RHEX: variants seen among roughly 807,000 people sequenced by gnomAD.
RHEX encodes the protein regulator of hemoglobinization and erythroid cell expansion protein.
RHEX carries 18 observed loss-of-function variants against 20.1 expected under a neutral mutation model. That is an observed-to-expected ratio of 0.90 (90% CI 0.62 to 1.33). RHEX has a LOEUF of 1.33. Among genes scored for constraint, RHEX ranks in the 40% most tolerant of loss-of-function variants. RHEX has a pLI of 0.00. For synonymous variants in RHEX, 87 were observed against 77.1 expected, an observed-to-expected ratio of 1.13 and a Z score of -0.67; for missense variants, 192 against 214.3, an observed-to-expected ratio of 0.90 and a Z score of 0.65.
chr1:206,077,396 G>T (rs1662654281), intron 1 of RHEX, among the ~76,000 whole-genome samples: 1 of 152,190 alleles, frequency 6.6e-6, no homozygotes. Flanking sequence ...TGGTGAAATA[G>T]CTGAAATGGT....
intron 1 of RHEX, among the ~76,000 whole-genome samples, chr1:206,076,095 G>A (rs1662631556): frequency 6.6e-6 from 1 of 152,028 alleles, no homozygotes; most frequent in African/African-American, 2.4e-5. Flanking sequence ...GTTGTTTTCT[G>A]TAAGTGAATT....
Position 206,053,543 on chromosome 1 carries a change from C to T in RHEX, c.-97+278C>T, listed in dbSNP as rs116714970. 7.6e-3 allele frequency among the ~76,000 whole-genome samples: 1,156 copies of T among 151,962 alleles called. 16 individuals carry two copies. The highest frequency in any genetic ancestry group is 0.068 in the Middle Eastern group (20 of 292). The stretch of plus-strand genomic sequence containing the variant: ...GTGGTGTGGGTGTGGTGTTTTGTCT[C>T]GAAGAAGCATGGGTCAGGTACAAAT... On this transcript the variant is annotated intron_variant, in intron 1 of 5. Transcript: ENST00000331555.
intron 1 of RHEX, chr1:206,083,506 T>A: frequency 2.0e-6 from 2 of 985,426 alleles, no homozygotes; most frequent in Non-Finnish European, 2.4e-6. Flanking sequence ...TGCTCCCGCC[T>A]TGTTGGAAAT....
intron 1 of RHEX, among the ~76,000 whole-genome samples, chr1:206,094,783 G>A (rs1007717060): frequency 4.6e-5 from 7 of 152,074 alleles, no homozygotes; most frequent in South Asian, 2.1e-4. Context: ...TCCCGGCCTC[G>A]GTGATCCTTC....
intron 1 of RHEX, among the ~76,000 whole-genome samples, chr1:206,059,055 C>T (rs956448165): frequency 1.4e-4 from 21 of 152,134 alleles, no homozygotes; most frequent in Non-Finnish European, 2.4e-4. Context: ...CCTGCCGTAA[C>T]AGGTGTGCTC....
chr1:206,101,274 G>A (rs1180891099), intron 5 of RHEX, 77 bp downstream of exon 5: 5 of 1,174,082 alleles, frequency 4.3e-6, no homozygotes, highest in Non-Finnish European at 6.2e-6. Context: ...GAAAACTCAA[G>A]TTACCCCAGC....
intron 1 of RHEX, among the ~76,000 whole-genome samples, chr1:206,060,227 A>G (rs1442875973): frequency 6.6e-6 from 1 of 151,952 alleles, no homozygotes; most frequent in African/African-American, 2.4e-5. Flanking sequence ...TTCCTATCTC[A>G]GGTCTATATA....
Position 206,098,096 on chromosome 1 carries a change from G to A in RHEX, c.27G>A (p.Trp9Ter), listed in dbSNP as rs782293044. 6.2e-7 allele frequency: 1 copy of A among 1,613,694 alleles called. No individual in the cohort carries two copies. Among genetic ancestry groups the A allele is most frequent in the Non-Finnish European group, 8.5e-7 (1 of 1,179,648 alleles). ...TTCCCAACAGAGTCATGGAGGTCTG[G>A]CATGGCTTAGTGATCGCGGTGGTGT... is the stretch of plus-strand genomic sequence containing the variant. MLTEVMEVWHGLVIAVVSL... is the reference protein window; with the variant it reads MLTEVMEV The change falls in exon 3 of 6, where the codon TGG (tryptophan) becomes TGA (stop). Residue 9 changes from tryptophan (W) to a stop codon, truncating the protein, a stop_gained. Coordinates refer to ENST00000331555, the MANE Select transcript of RHEX (RefSeq NM_001007544.4). LOFTEE classifies it high-confidence loss of function.
intron 1 of RHEX, among the ~76,000 whole-genome samples, chr1:206,088,128 CTAAT>C (rs1454478583): frequency 6.6e-6 from 1 of 151,648 alleles, no homozygotes; most frequent in Admixed American, 6.6e-5. Context: ...TTTTTATTAA[CTAAT>C]TAAACAATAA....
At chr1:206,059,954 C>T (rs1296342424) in intron 1 of RHEX, among the ~76,000 whole-genome samples, 2 of 152,174 alleles carry the variant, frequency 1.3e-5, no homozygotes, top group Non-Finnish European at 2.9e-5. Flanking sequence ...CATGCCCTCC[C>T]CCAGGTACCT....
At chr1:206,098,780 T>A (rs1242047465) in intron 3 of RHEX, among the ~76,000 whole-genome samples, 1 of 152,190 alleles carries the variant, frequency 6.6e-6, no homozygotes, top group African/African-American at 2.4e-5. Flanking sequence ...AGCAGATATT[T>A]CTTGAGCATC....
chr1:206,064,717 C>T (rs1224978443), intron 1 of RHEX, among the ~76,000 whole-genome samples: 1 of 151,578 alleles, frequency 6.6e-6, no homozygotes, highest in Non-Finnish European at 1.5e-5. Context: ...CTCTGCCCGG[C>T]CGCCCCTGCT....
intron 1 of RHEX, among the ~76,000 whole-genome samples, chr1:206,084,557 A>G (rs573438407): frequency 1.3e-5 from 2 of 152,192 alleles, no homozygotes; most frequent in East Asian, 3.9e-4. Flanking sequence ...CATCTCTCCA[A>G]CCTGGGAGGG....
intron 3 of RHEX, 152 bp from the exon 4 acceptor site, chr1:206,099,503 G>A: frequency 1.6e-6 from 1 of 636,550 alleles, no homozygotes; most frequent in Non-Finnish European, 2.7e-6. Flanking sequence ...ATTTTTAGTA[G>A]AGATGGGGTT....
At chr1:206,077,398 T>C (rs1553285392) in intron 1 of RHEX, among the ~76,000 whole-genome samples, 2 of 152,330 alleles carry the variant, frequency 1.3e-5, no homozygotes, top group African/African-American at 4.8e-5. Flanking sequence ...GTGAAATAGC[T>C]GAAATGGTTC....
intron 3 of RHEX, among the ~76,000 whole-genome samples, chr1:206,098,695 C>T (rs1414983393): frequency 2.6e-5 from 4 of 152,226 alleles, no homozygotes; most frequent in Non-Finnish European, 2.9e-5. Flanking sequence ...AGAGAAAGGA[C>T]GGGGCAAGAT....
intron 1 of RHEX, among the ~76,000 whole-genome samples, chr1:206,066,054 T>C (rs1316268872): frequency 6.6e-6 from 1 of 152,200 alleles, no homozygotes; most frequent in East Asian, 1.9e-4. Context: ...CCTCCAGGGA[T>C]TTCTGAAGAT....
intron 1 of RHEX, among the ~76,000 whole-genome samples, chr1:206,058,354 C>T (rs1553282878): frequency 6.6e-6 from 1 of 152,216 alleles, no homozygotes; most frequent in Non-Finnish European, 1.5e-5. Context: ...CAATCTATTG[C>T]ACGAAAATAC....
intron 1 of RHEX, among the ~76,000 whole-genome samples, chr1:206,064,299 C>G (rs1182873898): frequency 7.9e-6 from 1 of 126,936 alleles, no homozygotes; most frequent in South Asian, 2.7e-4. Context: ...CCGCCCCGTC[C>G]GGGAGGTGAG....
Sources: allele counts gnomAD v4.1 joint callset (sites outside exome capture counted in the v4.1 genomes callset), GRCh38; gene constraint gnomAD v4.1.1; transcripts MANE v1.5; gene names NCBI Gene and HGNC (gene_info 2026-07-23, HGNC 2026-07-21).